Variants in PCNT observed in about 807,000 individuals in gnomAD.
The protein encoded by PCNT is kendrin.
In PCNT, 319 loss-of-function variants were observed where a neutral mutation model predicts 380.4. The ratio of observed to expected loss-of-function variants is 0.84; its 90% CI spans 0.77 to 0.92. PCNT has a LOEUF of 0.92. Among genes scored for constraint, PCNT ranks in the 40% least tolerant of loss-of-function variants. The probability of loss-of-function intolerance (pLI) is 0.00; values close to 1 mark genes in which losing one functional copy is unlikely to be tolerated. For missense variants in PCNT, 4,400 were observed against 4,255.3 expected, an observed-to-expected ratio of 1.03 and a Z score of -0.95; for synonymous variants, 1,845 against 1,735.2, an observed-to-expected ratio of 1.06 and a Z score of -1.57.
At chr21:46,412,806 T>G in intron 28 of PCNT, 31 bp from the exon 29 acceptor site, 3 of 1,607,182 alleles carry the variant, frequency 1.9e-6, no homozygotes, top group Non-Finnish European at 1.7e-6. Flanking sequence ...GCCTCCTGCA[T>G]GCTCAGCTTT....
intron 24 of PCNT, among the ~76,000 whole-genome samples, 196 bp downstream of exon 24, chr21:46,398,451 G>T (rs1362346837): frequency 6.6e-6 from 1 of 152,272 alleles, no homozygotes. Context: ...ACACACAGTT[G>T]TAAGAGGTAA....
At chr21:46,351,681 G>T (rs1601808815) in intron 9 of PCNT, 141 bp downstream of exon 9, 1 of 706,076 alleles carries the variant, frequency 1.4e-6, no homozygotes, top group East Asian at 2.7e-5. Context: ...GAAGGTTGAG[G>T]TGTCTGGTTT....
Position 46,435,021 on chromosome 21 carries a change from T to C in PCNT, c.8752-883T>C, listed in dbSNP as rs555819524. ...GGAAACGCTTTTACCACTGAATCATTCTGGGGTGTGTGATTCAGCTGCCTC... is the reference window on the plus strand; with the variant it reads ...GGAAACGCTTTTACCACTGAATCATCCTGGGGTGTGTGATTCAGCTGCCTC... On this transcript the variant is annotated intron_variant, in intron 38 of 46. Coordinates refer to ENST00000359568, the MANE Select transcript of PCNT (RefSeq NM_006031.6). Among the ~76,000 whole-genome samples the C allele has an allele frequency of 8.5e-5, 13 of 152,226 alleles. No homozygotes were observed. The East Asian group carries it at 2.1e-3, about 25-fold the overall frequency.
intron 27 of PCNT, among the ~76,000 whole-genome samples, chr21:46,403,752 G>T (rs1327874323): frequency 1.4e-5 from 2 of 145,490 alleles, no homozygotes; most frequent in African/African-American, 5.2e-5. Flanking sequence ...TGGTGCCCAC[G>T]CGGCGCGTGC....
intron 35 of PCNT, 109 bp downstream of exon 35, chr21:46,428,699 C>A: frequency 1.0e-6 from 1 of 987,516 alleles, no homozygotes; most frequent in Non-Finnish European, 1.5e-6. Context: ...ATCATCTAGT[C>A]AAGCCCCTGA....
chr21:46,363,885 C>T lies in PCNT; in HGVS notation c.2560C>T (p.Leu854Phe), dbSNP rs1221336146. The T allele has an allele frequency of 1.2e-6, 2 of 1,611,880 alleles. No homozygotes were observed. The highest frequency in any genetic ancestry group is 1.7e-6 in the Non-Finnish European group (2 of 1,179,588). Residue 854 changes from leucine (L) to phenylalanine (F), a missense_variant, in exon 14 of 47, where the codon CTC (leucine) becomes TTC (phenylalanine). Physicochemically the swap from Leu to Phe is conservative, Grantham distance 22. Transcript: ENST00000359568. ...PTAQDGELAA[L>F]HVKEDCALQL... ...AGCCCAGGACGGGGAGCTTGCTGCG[C>T]TCCACGTGAAGGAAGACTGCGCCCT...
intron 16 of PCNT, among the ~76,000 whole-genome samples, chr21:46,384,370 A>G (rs895843702): frequency 6.8e-6 from 1 of 147,040 alleles, no homozygotes; most frequent in Non-Finnish European, 1.5e-5. Context: ...TTGTATATTC[A>G]GTGACGGAAG....
chr21:46,363,185 G>A (rs2084779461), intron 13 of PCNT, among the ~76,000 whole-genome samples: 2 of 152,184 alleles, frequency 1.3e-5, no homozygotes, highest in Admixed American at 1.3e-4. Context: ...CCTTTGCTCG[G>A]CTGATGTGTG....
intron 3 of PCNT, among the ~76,000 whole-genome samples, chr21:46,345,024 A>G (rs943453963): frequency 1.3e-5 from 2 of 152,196 alleles, no homozygotes; most frequent in African/African-American, 4.8e-5. Flanking sequence ...TGGCCATACA[A>G]GGATCTTTAA....
At chr21:46,360,619 C>T (rs2084677586) in intron 13 of PCNT, among the ~76,000 whole-genome samples, 3 of 146,846 alleles carry the variant, frequency 2.0e-5, no homozygotes, top group South Asian at 2.2e-4. Flanking sequence ...CCCAGGTTCA[C>T]GCCATTCTCC....
At position 46,412,019 on chromosome 21, in the gene PCNT, G is replaced by T; in HGVS notation, c.5946G>T (p.Val1982=). 6.2e-7 allele frequency: 1 copy of T among 1,608,116 alleles called. No individual in the cohort carries two copies. Residue 1982 remains valine (V), a synonymous_variant, in exon 28 of 47, where the codon GTG becomes GTT. Coordinates refer to ENST00000359568, the MANE Select transcript of PCNT (RefSeq NM_006031.6). ...CCAAGGCCCAGGTCACCGGCGACGTGGAGGCCTCCCATGATGCTGCTTTGG... is the reference window on the plus strand; with the variant it reads ...CCAAGGCCCAGGTCACCGGCGACGTTGAGGCCTCCCATGATGCTGCTTTGG... ...GGAKAQVTGD[V]EASHDAALEP...
chr21:46,389,088 C>T, intron 18 of PCNT, 111 bp from the exon 19 acceptor site: 1 of 1,314,154 alleles, frequency 7.6e-7, no homozygotes, highest in Non-Finnish European at 1.1e-6. Flanking sequence ...GCTGACTCAT[C>T]TCGGCTGGGG....
rs141071168 is a variant in PCNT at position 46,398,044 on chromosome 21, G to A, written c.4477G>A (p.Glu1493Lys). Residue 1493 changes from glutamate to lysine, a missense_variant, in exon 23 of 47, where the codon GAG (glutamate) becomes AAG (lysine). Coordinates refer to ENST00000359568, the MANE Select transcript of PCNT (RefSeq NM_006031.6). The part of the protein sequence containing the change: ...EQAAEREHER[E>K]EFQQEIQRLE... ...GGCAGCCGAGCGGGAGCACGAGCGC[G>A]AGGAGTTCCAGCAGGAGATTCAGAG... The A allele has an allele frequency of 5.0e-5, 80 of 1,594,398 alleles. No individual in the cohort carries two copies. In the African/African-American group the frequency reaches 8.4e-4, roughly 17 times the overall value.
In PCNT at chr21:46,366,777, G is replaced by A; in HGVS notation, c.2803G>A (p.Glu935Lys). 1 of 1,613,714 alleles carries A rather than the reference G, an allele frequency of 6.2e-7. No homozygotes were observed. Among genetic ancestry groups the A allele is most frequent in the Non-Finnish European group, 8.5e-7 (1 of 1,180,050 alleles). Residue 935 changes from glutamate (E) to lysine (K), a missense_variant, in exon 15 of 47, where the codon GAG becomes AAG. Glu to Lys is a moderately conservative substitution (Grantham distance 56, BLOSUM62 1). Coordinates refer to ENST00000359568, the MANE Select transcript of PCNT (RefSeq NM_006031.6). ...GTTGGGCGAGCTGACAGCCTCCTTA[G>A]AGAGCAAGCAGGGGGCTCTGCTGGC... ...AALGELTASL[E>K]SKQGALLAAR...
chr21:46,386,018 G>T, intron 17 of PCNT, 35 bp downstream of exon 17: 1 of 1,612,330 alleles, frequency 6.2e-7, no homozygotes, highest in Non-Finnish European at 8.5e-7. Flanking sequence ...CTGCCTTGTG[G>T]CCGCCAGCAC....
rs2084110588 is a variant in PCNT at position 46,347,462 on chromosome 21, C to T, written c.982C>T (p.Leu328=). Residue 328 remains leucine, a synonymous_variant, in exon 6 of 47, where the codon CTG becomes TTG. Coordinates refer to ENST00000359568, the MANE Select transcript of PCNT (RefSeq NM_006031.6). ...GCTTTTTGTTTTTCTTGCAGCTGAGCTGAAGGAGAAGTTACAATCAGAAAT... is the reference window on the plus strand; with the variant it reads ...GCTTTTTGTTTTTCTTGCAGCTGAGTTGAAGGAGAAGTTACAATCAGAAAT... ...VLRCGQEAAE[L]KEKLQSEMEK... 2 of 1,613,938 alleles carry T rather than the reference C, an allele frequency of 1.2e-6. No homozygotes were observed. Among genetic ancestry groups the T allele is most frequent in the Non-Finnish European group, 1.7e-6 (2 of 1,179,970 alleles).
At chr21:46,410,389 G>T (rs2147654544) in intron 27 of PCNT, among the ~76,000 whole-genome samples, 1 of 152,192 alleles carries the variant, frequency 6.6e-6, no homozygotes. Flanking sequence ...TCAGTTTTTT[G>T]GAAGAACATA....
At position 46,381,741 on chromosome 21, in the gene PCNT, G is replaced by T; in HGVS notation, c.3213G>T (p.Glu1071Asp). 6.2e-7 allele frequency: 1 copy of T among 1,614,106 alleles called. No homozygotes were observed. The highest frequency in any genetic ancestry group is 8.5e-7 in the Non-Finnish European group (1 of 1,179,936). The part of the protein sequence containing the change: ...EKKTALHEKE[E>D]TLRLQSAQAQ... ...AAACTGCTTTGCATGAAAAAGAGGA[G>T]ACACTTCGGCTTCAGAGTGCACAGG... Residue 1071 changes from glutamate (E) to aspartate (D), a missense_variant, in exon 16 of 47, where the codon GAG (glutamate) becomes GAT (aspartate). By Grantham distance (45) the Glu-to-Asp change is conservative. Transcript: ENST00000359568.
At position 46,417,402 on chromosome 21, in the gene PCNT, C is replaced by T. The variant is rs560610317; in HGVS notation, c.6921+563C>T. ...AGAGACGGGGTTTTACCTTATTGGT[C>T]AGGCTGGTCTCGAACTCCTGACCTC... On this transcript the variant is annotated intron_variant, in intron 30 of 46. Coordinates refer to ENST00000359568, the MANE Select transcript of PCNT (RefSeq NM_006031.6). Among the ~76,000 whole-genome samples the T allele has an allele frequency of 3.3e-5, 5 of 152,150 alleles. No individual in the cohort carries two copies. In the South Asian group the frequency reaches 1.0e-3, roughly 32 times the overall value.
Sources: allele counts gnomAD v4.1 joint callset (sites outside exome capture counted in the v4.1 genomes callset), GRCh38; gene constraint gnomAD v4.1.1; transcripts MANE v1.5; gene names NCBI Gene and HGNC (gene_info 2026-07-23, HGNC 2026-07-21).